The following DNM3 variants were observed in gnomAD, a reference collection of about 807,000 sequenced individuals.
DNM3 encodes dynamin 3.
In DNM3, 47 loss-of-function variants were observed where a neutral mutation model predicts 101.6. The ratio of observed to expected loss-of-function variants is 0.46; its 90% CI spans 0.37 to 0.59. The LOEUF (loss-of-function observed/expected upper bound fraction) is 0.59. Among genes scored for constraint, DNM3 ranks in the 20% least tolerant of loss-of-function variants. The pLI is 0.00. For synonymous variants in DNM3, 385 were observed against 387.9 expected, an observed-to-expected ratio of 0.99 and a Z score of 0.09; for missense variants, 849 against 1,085.7, an observed-to-expected ratio of 0.78 and a Z score of 3.06.
rs1303624410 is a variant in DNM3 at position 172,410,069 on chromosome 1, T to C, written c.*2228T>C. 1 of 985,368 alleles carries C rather than the reference T, an allele frequency of 1.0e-6. No individual in the cohort carries two copies. Among genetic ancestry groups the C allele is most frequent in the Non-Finnish European group, 1.2e-6 (1 of 829,884 alleles). The allele number at this position is 985,368 out of a possible 1,614,324, so 61.0% of individuals were successfully genotyped here. A position where few individuals can be genotyped will look rare whatever the true frequency, so the allele number is the denominator to read the frequency against. On this transcript the variant is annotated 3_prime_UTR_variant, in exon 21 of 21. Coordinates refer to ENST00000627582, the MANE Select transcript of DNM3 (RefSeq NM_015569.5). ...GCACTGCCCCAATTGTCTACCTTTG[T>C]GGGTACATTTTTGTTCTTTACTCCT...
At chr1:172,188,596 G>A (rs1176173955) in intron 14 of DNM3, among the ~76,000 whole-genome samples, 2 of 152,006 alleles carry the variant, frequency 1.3e-5, no homozygotes, top group Non-Finnish European at 2.9e-5. Flanking sequence ...CATCTTGGCT[G>A]TTTGCAGTTT....
chr1:171,922,105 A>T (rs1419583238), intron 2 of DNM3, among the ~76,000 whole-genome samples: 1 of 149,616 alleles, frequency 6.7e-6, no homozygotes, highest in Non-Finnish European at 1.5e-5. Flanking sequence ...ACAACCACTA[A>T]TACTCCTTTG....
intron 13 of DNM3, chr1:172,093,816 G>C: frequency 7.8e-7 from 1 of 1,278,400 alleles, no homozygotes; most frequent in Non-Finnish European, 1.1e-6. Context: ...CTCAACTAGC[G>C]CTTGCTACTA....
intron 14 of DNM3, among the ~76,000 whole-genome samples, chr1:172,176,593 C>T (rs1463243789): frequency 6.6e-6 from 1 of 151,864 alleles, no homozygotes; most frequent in Non-Finnish European, 1.5e-5. Flanking sequence ...ACTGCAATCT[C>T]TGGGAGTCCC....
At chr1:172,320,329 A>C (rs2065642649) in intron 16 of DNM3, among the ~76,000 whole-genome samples, 1 of 151,612 alleles carries the variant, frequency 6.6e-6, no homozygotes, top group Non-Finnish European at 1.5e-5. Flanking sequence ...ACATGTATAC[A>C]TATGTAACTA....
At chr1:171,910,304 A>T (rs954236975) in intron 1 of DNM3, among the ~76,000 whole-genome samples, 6 of 152,252 alleles carry the variant, frequency 3.9e-5, no homozygotes, top group Non-Finnish European at 8.8e-5. Context: ...AAATTCCAGA[A>T]ATACACAATT....
chr1:172,082,351 G>T (rs539947184), intron 12 of DNM3, among the ~76,000 whole-genome samples: 2 of 148,872 alleles, frequency 1.3e-5, no homozygotes, highest in East Asian at 2.0e-4. Flanking sequence ...TAAACTTTGC[G>T]AAATTAGATG....
chr1:172,191,950 T>C (rs2059741350), intron 14 of DNM3, among the ~76,000 whole-genome samples: 1 of 152,160 alleles, frequency 6.6e-6, no homozygotes, highest in Non-Finnish European at 1.5e-5. Flanking sequence ...TATACCATCA[T>C]GTCATCTGCA....
At chr1:172,392,239 GA>G (rs1205346689) in intron 20 of DNM3, among the ~76,000 whole-genome samples, 2 of 152,184 alleles carry the variant, frequency 1.3e-5, no homozygotes, top group African/African-American at 2.4e-5. Context: ...TTGAACTAGA[GA>G]AGCATCTCTA....
At chr1:172,065,167 A>G (rs577910225) in intron 10 of DNM3, among the ~76,000 whole-genome samples, 71 of 152,322 alleles carry the variant, frequency 4.7e-4, no homozygotes, top group African/African-American at 1.7e-3. Context: ...GGGGTCCTTC[A>G]GCTATCAAGT....
chr1:172,256,035 G>A (rs997043673), intron 15 of DNM3, among the ~76,000 whole-genome samples: 2 of 152,068 alleles, frequency 1.3e-5, no homozygotes, highest in South Asian at 4.2e-4. Context: ...ACCTTCTGAT[G>A]TTAAACCATC....
intron 4 of DNM3, among the ~76,000 whole-genome samples, chr1:172,027,706 CA>C (rs2048315217): frequency 6.6e-6 from 1 of 151,492 alleles, no homozygotes; most frequent in Non-Finnish European, 1.5e-5. Flanking sequence ...CACATAGACT[CA>C]AAATAAAGGG....
chr1:172,363,765 T>C (rs1385563048), intron 17 of DNM3, among the ~76,000 whole-genome samples: 1 of 151,880 alleles, frequency 6.6e-6, no homozygotes, highest in Non-Finnish European at 1.5e-5. Flanking sequence ...TGACCACTCA[T>C]TTTGCAATTC....
chr1:171,929,160 G>A (rs1373094955), intron 2 of DNM3, among the ~76,000 whole-genome samples: 1 of 152,086 alleles, frequency 6.6e-6, no homozygotes, highest in Non-Finnish European at 1.5e-5. Context: ...GGTTGCCTCA[G>A]ACACTCCAAA....
In DNM3 at chr1:172,410,090, C is replaced by T. The variant is rs2071123041; in HGVS notation, c.*2249C>T. 11 of 985,228 alleles carry T rather than the reference C, an allele frequency of 1.1e-5. No homozygotes were observed. Among genetic ancestry groups the T allele is most frequent in the Non-Finnish European group, 1.2e-5 (10 of 829,866 alleles). 61.0% of individuals were successfully genotyped at this position (985,228 alleles called of 1,614,324 possible). A position where few individuals can be genotyped will look rare whatever the true frequency, so the allele number is the denominator to read the frequency against. Reference sequence around the variant, plus strand: ...TTTGTGGGTACATTTTTGTTCTTTACTCCTAAGTTATTTCTCATAGAACCC... The same window carrying T: ...TTTGTGGGTACATTTTTGTTCTTTATTCCTAAGTTATTTCTCATAGAACCC... On this transcript the variant is annotated 3_prime_UTR_variant, in exon 21 of 21. Transcript: ENST00000627582.
At chr1:172,348,173 A>G (rs768608844) in intron 17 of DNM3, among the ~76,000 whole-genome samples, 1 of 152,182 alleles carries the variant, frequency 6.6e-6, no homozygotes, top group African/African-American at 2.4e-5. Context: ...TGTGCCATGA[A>G]CCAAGGATTA....
chr1:172,362,647 T>C (rs1461496648), intron 17 of DNM3, among the ~76,000 whole-genome samples: 2 of 151,934 alleles, frequency 1.3e-5, no homozygotes, highest in Non-Finnish European at 2.9e-5. Context: ...AACCCTGGTA[T>C]CTTGATAAAC....
At chr1:172,384,908 C>T (rs1179148956) in intron 18 of DNM3, among the ~76,000 whole-genome samples, 1 of 152,192 alleles carries the variant, frequency 6.6e-6, no homozygotes, top group Non-Finnish European at 1.5e-5. Context: ...TGCAAATATC[C>T]ATGATTCCCT....
At chr1:172,099,987 A>G (rs1364380311) in intron 13 of DNM3, among the ~76,000 whole-genome samples, 1 of 152,194 alleles carries the variant, frequency 6.6e-6, no homozygotes, top group East Asian at 1.9e-4. Context: ...TCTTAGCAGG[A>G]AGGCATTGTT....
Sources: gnomAD v4.1 joint callset for allele counts (sites outside exome capture counted in the v4.1 genomes callset) on GRCh38, gnomAD v4.1.1 for gene constraint, MANE v1.5 for transcripts, NCBI Gene and HGNC (gene_info 2026-07-23, HGNC 2026-07-21) for gene names.